The following TRHDE variants were observed in gnomAD, a reference collection of about 807,000 sequenced individuals.
The protein encoded by TRHDE is thyrotropin-releasing hormone-degrading ectoenzyme.
Under a neutral mutation model 125.7 loss-of-function variants are expected in TRHDE, and 72 were observed. That is an observed-to-expected ratio of 0.57 (90% CI 0.47 to 0.70). The LOEUF is 0.70. Among genes scored for constraint, TRHDE ranks in the 30% least tolerant of loss-of-function variants. The pLI is 0.00. For synonymous variants in TRHDE, 509 were observed against 509.1 expected (o/e 1.00, Z 0.00); for missense variants, 1,110 against 1,327.1 (o/e 0.84, Z 2.54).
chr12:72,285,325 G>C (rs1197279078), intron 1 of TRHDE, among the ~76,000 whole-genome samples: 2 of 152,108 alleles, frequency 1.3e-5, no homozygotes, highest in Admixed American at 1.3e-4. Context: ...GATGGAGAGA[G>C]GAGTGGTGGC....
At chr12:72,312,375 A>G (rs1029513681) in intron 2 of TRHDE, among the ~76,000 whole-genome samples, 1 of 152,226 alleles carries the variant, frequency 6.6e-6, no homozygotes, top group Admixed American at 6.6e-5. Flanking sequence ...TTTTCTATAT[A>G]TAGGAGGTTA....
chr12:72,119,997 C>A (rs1875538388), intron 2 of TRHDE, among the ~76,000 whole-genome samples: 1 of 151,686 alleles, frequency 6.6e-6, no homozygotes, highest in South Asian at 2.1e-4. Flanking sequence ...TGTCTTTTGA[C>A]TGGAGAGCTT....
intron 2 of TRHDE, among the ~76,000 whole-genome samples, chr12:72,172,009 T>A (rs1415187469): frequency 6.6e-6 from 1 of 152,054 alleles, no homozygotes; most frequent in Non-Finnish European, 1.5e-5. Context: ...CTAATAACAC[T>A]CTTAAGGCAC....
intron 2 of TRHDE, among the ~76,000 whole-genome samples, chr12:72,371,289 T>C (rs1415876328): frequency 3.3e-5 from 5 of 151,044 alleles, no homozygotes; most frequent in African/African-American, 9.8e-5. Context: ...ATGAAACTCA[T>C]TCATTTGCTC....
At chr12:72,459,613 G>C (rs1185673075) in intron 3 of TRHDE, among the ~76,000 whole-genome samples, 2 of 152,072 alleles carry the variant, frequency 1.3e-5, no homozygotes, top group East Asian at 3.9e-4. Flanking sequence ...GTAGTAGCTA[G>C]AGTATAAGCA....
At chr12:72,369,117 A>T (rs1871461995) in intron 2 of TRHDE, among the ~76,000 whole-genome samples, 2 of 152,194 alleles carry the variant, frequency 1.3e-5, no homozygotes, top group Admixed American at 6.5e-5. Flanking sequence ...AATACTTAAA[A>T]TCTATAAAGA....
At chr12:72,324,547 C>T (rs1869250172) in intron 2 of TRHDE, among the ~76,000 whole-genome samples, 1 of 151,996 alleles carries the variant, frequency 6.6e-6, no homozygotes, top group South Asian at 2.1e-4. Flanking sequence ...AAAAGTGGTC[C>T]ACAGGAGTCA....
chr12:72,334,875 G>T (rs1188844108), intron 2 of TRHDE, among the ~76,000 whole-genome samples: 1 of 152,192 alleles, frequency 6.6e-6, no homozygotes, highest in East Asian at 1.9e-4. Flanking sequence ...ACGCCAGGCA[G>T]GAATGAAAAG....
At chr12:72,502,485 T>C (rs1878197308) in intron 6 of TRHDE, among the ~76,000 whole-genome samples, 2 of 152,162 alleles carry the variant, frequency 1.3e-5, no homozygotes. Flanking sequence ...TGTTATTCAT[T>C]TCTTATTTAA....
At chr12:72,419,179 G>A (rs895181115) in intron 3 of TRHDE, among the ~76,000 whole-genome samples, 6 of 152,142 alleles carry the variant, frequency 3.9e-5, no homozygotes, top group African/African-American at 1.4e-4. Flanking sequence ...TAGAGGAACA[G>A]AAAATAACAC....
chr12:72,639,543 G>A (rs1199607371), intron 15 of TRHDE, among the ~76,000 whole-genome samples: 1 of 152,240 alleles, frequency 6.6e-6, no homozygotes, highest in Admixed American at 6.5e-5. Context: ...CGTTGCTGGT[G>A]AGGAACTGCG....
intron 1 of TRHDE, among the ~76,000 whole-genome samples, chr12:72,094,164 G>A (rs1327673793): frequency 4.6e-5 from 7 of 152,190 alleles, no homozygotes. Context: ...TGCCTCTGGG[G>A]CCTTGGCCAG....
intron 3 of TRHDE, among the ~76,000 whole-genome samples, chr12:72,408,140 A>G (rs1265947776): frequency 6.6e-6 from 1 of 152,152 alleles, no homozygotes; most frequent in Non-Finnish European, 1.5e-5. Context: ...TAAGAAACCT[A>G]CTTGCATGAT....
At chr12:72,220,336 A>T (rs1877977627) in intron 2 of TRHDE, among the ~76,000 whole-genome samples, 1 of 152,140 alleles carries the variant, frequency 6.6e-6, no homozygotes, top group Admixed American at 6.6e-5. Flanking sequence ...TATGACCTAA[A>T]ACATATAGTC....
chr12:72,093,990 T>C (rs1235624610), intron 1 of TRHDE, among the ~76,000 whole-genome samples: 1 of 152,316 alleles, frequency 6.6e-6, no homozygotes, highest in African/African-American at 2.4e-5. Context: ...AGACCTTCTG[T>C]CAGGTCCCTG....
chr12:72,441,817 A>G (rs989689789), intron 3 of TRHDE, among the ~76,000 whole-genome samples: 1 of 151,908 alleles, frequency 6.6e-6, no homozygotes. Context: ...ATAGAAATGA[A>G]CAATAATATT....
At chr12:72,529,913 G>A (rs535547663) in intron 6 of TRHDE, among the ~76,000 whole-genome samples, 1 of 152,128 alleles carries the variant, frequency 6.6e-6, no homozygotes, top group South Asian at 2.1e-4. Flanking sequence ...CTCCAACCCT[G>A]TGCATCTCAC....
intron 6 of TRHDE, among the ~76,000 whole-genome samples, chr12:72,504,538 A>C (rs1339833560): frequency 6.6e-6 from 1 of 152,044 alleles, no homozygotes; most frequent in Non-Finnish European, 1.5e-5. Context: ...TCCTGACCTC[A>C]TGATCTGCCT....
chr12:72,088,831 C>T (rs1275165952), intron 1 of TRHDE, among the ~76,000 whole-genome samples: 3 of 151,904 alleles, frequency 2.0e-5, no homozygotes, highest in African/African-American at 7.3e-5. Flanking sequence ...TCCTCCCCTC[C>T]CTTCTTCTAC....
Sources: allele counts gnomAD v4.1 joint callset (sites outside exome capture counted in the v4.1 genomes callset), GRCh38; gene constraint gnomAD v4.1.1; transcripts MANE v1.5; gene names NCBI Gene and HGNC (gene_info 2026-07-23, HGNC 2026-07-21).